The following GSPT1 variants were observed in gnomAD, a reference collection of about 807,000 sequenced individuals.
GSPT1 encodes eukaryotic peptide chain release factor GTP-binding subunit ERF3A.
A neutral mutation model predicts 72.5 loss-of-function variants in GSPT1; 20 were observed. The ratio of observed to expected loss-of-function variants is 0.28; its 90% CI spans 0.19 to 0.40. The LOEUF is 0.40. Among genes scored for constraint, GSPT1 ranks in the 10% least tolerant of loss-of-function variants. GSPT1 has a pLI of 1.00. For synonymous variants in GSPT1, 334 were observed against 293.5 expected (o/e 1.14, Z -1.41); for missense variants, 580 against 811.9 (o/e 0.71, Z 3.47).
intron 1 of GSPT1, among the ~76,000 whole-genome samples, chr16:11,906,910 G>A (rs1021584031): frequency 1.3e-5 from 2 of 151,902 alleles, no homozygotes; most frequent in African/African-American, 2.4e-5. Flanking sequence ...TGCAAGCTGA[G>A]GTTTTTCTTT....
chr16:11,869,002 C>T lies in GSPT1; in HGVS notation c.*4117G>A, dbSNP rs1363961850. On this transcript the variant is annotated 3_prime_UTR_variant, in exon 15 of 15. Coordinates refer to ENST00000434724, the MANE Select transcript of GSPT1 (RefSeq NM_002094.4). ...AGCTAGCATTATTGTTTCAAGGAAG[C>T]ATAGGATTAGAGGTATGTGAGAAGT... 1 of 152,084 alleles carries T rather than the reference C, an allele frequency of 6.6e-6. No individual in the cohort carries two copies. Among genetic ancestry groups the T allele is most frequent in the African/African-American group, 2.4e-5 (1 of 41,400 alleles). 9.4% of individuals were successfully genotyped at this position (152,084 alleles called of 1,614,324 possible).
Position 11,896,699 on chromosome 16 carries a change from A to G in GSPT1, c.523T>C (p.Leu175=). 2.5e-6 allele frequency: 4 copies of G among 1,608,022 alleles called. No individual in the cohort carries two copies. Among genetic ancestry groups the G allele is most frequent in the South Asian group, 1.1e-5 (1 of 89,672 alleles). The part of the protein sequence containing the change: ...ISEAEPGGGS[L]GDGRPPEESA... ...TCCTCTGGCGGCCTTCCATCTCCCA[A>G]GGAACCACCCCCTGGCTCTGCTTCA... Residue 175 remains leucine (L), a synonymous_variant, in exon 4 of 15, where the codon TTG becomes CTG. Coordinates refer to ENST00000434724, the MANE Select transcript of GSPT1 (RefSeq NM_002094.4).
At position 11,869,279 on chromosome 16, in the gene GSPT1, T is replaced by C. The variant is rs2053952213; in HGVS notation, c.*3840A>G. 1 of 152,286 alleles carries C rather than the reference T, an allele frequency of 6.6e-6. No homozygotes were observed. The highest frequency in any genetic ancestry group is 2.4e-5 in the African/African-American group (1 of 41,482). 9.4% of individuals were successfully genotyped at this position (152,286 alleles called of 1,614,324 possible). A position where few individuals can be genotyped will look rare whatever the true frequency, so the allele number is the denominator to read the frequency against. The stretch of plus-strand genomic sequence containing the variant: ...TAAAGCTAGTTAAGTCTTTTGTGCA[T>C]GTGCAATTACACTTACTTAACAAGA... On this transcript the variant is annotated 3_prime_UTR_variant, in exon 15 of 15. Transcript: ENST00000434724.
chr16:11,887,246 G>C (rs2054196443), intron 7 of GSPT1, among the ~76,000 whole-genome samples: 1 of 152,088 alleles, frequency 6.6e-6, no homozygotes, highest in Non-Finnish European at 1.5e-5. Context: ...AGCGCAAAAT[G>C]ACTGAAGACC....
rs1212772287 is a variant in GSPT1, at chr16:11,868,999, A to G, written c.*4120T>C. 1 of 152,202 alleles carries G rather than the reference A, an allele frequency of 6.6e-6. No individual in the cohort carries two copies. Among genetic ancestry groups the G allele is most frequent in the Non-Finnish European group, 1.5e-5 (1 of 68,040 alleles). 9.4% of individuals were successfully genotyped at this position (152,202 alleles called of 1,614,324 possible). On this transcript the variant is annotated 3_prime_UTR_variant, in exon 15 of 15. Transcript: ENST00000434724. ...CTCAGCTAGCATTATTGTTTCAAGG[A>G]AGCATAGGATTAGAGGTATGTGAGA...
intron 1 of GSPT1, 52 bp from the exon 2 acceptor site, chr16:11,898,087 C>T (rs33635): frequency 0.34 from 392,157 of 1,159,024 alleles, 69,914 homozygotes; most frequent in East Asian, 0.61. Context: ...CCATCCATTT[C>T]ACTTATCTTT....
At chr16:11,915,233 C>A in intron 1 of GSPT1, 136 bp downstream of exon 1, 1 of 1,157,952 alleles carries the variant, frequency 8.6e-7, no homozygotes, top group Non-Finnish European at 1.1e-6. Flanking sequence ...CGGGGCGCCC[C>A]ACCCAGGCAG....
chr16:11,896,877 G>T, intron 3 of GSPT1, 92 bp from the exon 4 acceptor site: 1 of 837,006 alleles, frequency 1.2e-6, no homozygotes, highest in Non-Finnish European at 1.9e-6. Context: ...ATGGAAGTTT[G>T]CATATGTAGT....
chr16:11,911,993 T>G (rs1321919009), intron 1 of GSPT1, among the ~76,000 whole-genome samples: 10 of 145,080 alleles, frequency 6.9e-5, no homozygotes, highest in Non-Finnish European at 1.3e-4. Flanking sequence ...GCGCCCAGCT[T>G]GTACAGTTGA....
At chr16:11,909,742 TG>T (rs2054533503) in intron 1 of GSPT1, among the ~76,000 whole-genome samples, 1 of 152,084 alleles carries the variant, frequency 6.6e-6, no homozygotes, top group African/African-American at 2.4e-5. Flanking sequence ...CTGGGCAACA[TG>T]GTGAAACCTC....
At position 11,894,991 on chromosome 16, in the gene GSPT1, A is replaced by G. The variant is rs2141299455; in HGVS notation, c.665-4T>C. 1.3e-6 allele frequency: 2 copies of G among 1,586,046 alleles called. No individual in the cohort carries two copies. The highest frequency in any genetic ancestry group is 2.2e-5 in the East Asian group (1 of 44,518). On this transcript the variant is annotated splice_polypyrimidine_tract_variant and splice_region_variant and intron_variant, in intron 4 of 14. Transcript: ENST00000434724. ...CCAATGGTTGACTTGCCAGCATCTA[A>G]AAGTAACATCAACATGCAAACCATA...
chr16:11,915,981 C>T, upstream of GSPT1: 1 of 706,352 alleles, frequency 1.4e-6, no homozygotes, highest in Non-Finnish European at 2.6e-6. Flanking sequence ...CCAACCACCT[C>T]CGACGGCCTC....
At chr16:11,885,784 T>C (rs2054180366) in intron 9 of GSPT1, among the ~76,000 whole-genome samples, 1 of 151,934 alleles carries the variant, frequency 6.6e-6, no homozygotes, top group African/African-American at 2.4e-5. Context: ...CCCTACGACT[T>C]GGGAGGCTGA....
intron 14 of GSPT1, 107 bp from the exon 15 acceptor site, chr16:11,873,278 T>C: frequency 1.7e-6 from 1 of 597,280 alleles, no homozygotes; most frequent in Middle Eastern, 4.6e-4. Flanking sequence ...CAATGTAAGT[T>C]ACTAATTAAC....
intron 1 of GSPT1, chr16:11,915,121 G>A (rs2054614693): frequency 8.9e-7 from 1 of 1,124,542 alleles, no homozygotes; most frequent in Non-Finnish European, 1.1e-6. Flanking sequence ...CAGGGGCGCG[G>A]AGGGGCGGCA....
At chr16:11,896,482 A>T in intron 4 of GSPT1, 76 bp downstream of exon 4, 1 of 815,290 alleles carries the variant, frequency 1.2e-6, no homozygotes, top group Non-Finnish European at 2.0e-6. Flanking sequence ...GTTTCACTAA[A>T]CATCTCCAGG....
Position 11,877,368 on chromosome 16 carries a change from C to A in GSPT1, c.1602+39G>T. On this transcript the variant is annotated intron_variant, in intron 12 of 14. Transcript: ENST00000434724. This position sits in a 1 kb window ranked among gnomAD's most constrained non-coding sequence, Gnocchi z 4.0. ...CACTGATATTCTAATTTCATTTAGA[C>A]ATTAAAACCCACTATGACAACAACA... 1 of 1,398,638 alleles carries A rather than the reference C, an allele frequency of 7.1e-7. No individual in the cohort carries two copies. Among genetic ancestry groups the A allele is most frequent in the South Asian group, 1.4e-5 (1 of 72,440 alleles). 86.6% of individuals were successfully genotyped at this position (1,398,638 alleles called of 1,614,324 possible). A position where few individuals can be genotyped will look rare whatever the true frequency, so the allele number is the denominator to read the frequency against.
chr16:11,870,553 T>A lies in GSPT1; in HGVS notation c.*2566A>T, dbSNP rs1007449541. 8 of 152,232 alleles carry A rather than the reference T, an allele frequency of 5.3e-5. No individual in the cohort carries two copies. The highest frequency in any genetic ancestry group is 8.8e-5 in the Non-Finnish European group (6 of 68,046). 9.4% of individuals were successfully genotyped at this position (152,232 alleles called of 1,614,324 possible). ...ACGTTTGCATTTGCAGAAAACAGAA[T>A]GACAGCATAGGAATTTGTATTGCTC... On this transcript the variant is annotated 3_prime_UTR_variant, in exon 15 of 15. Coordinates refer to ENST00000434724, the MANE Select transcript of GSPT1 (RefSeq NM_002094.4).
At chr16:11,914,954 G>A (rs1457655461) in intron 1 of GSPT1, 2 of 1,204,634 alleles carry the variant, frequency 1.7e-6, no homozygotes, top group South Asian at 1.3e-5. Flanking sequence ...TCGGCCATTC[G>A]TCCTCCCCAA....
Sources: allele counts gnomAD v4.1 joint callset (sites outside exome capture counted in the v4.1 genomes callset), GRCh38; gene constraint gnomAD v4.1.1; non-coding constraint Gnocchi (gnomAD v3.1); transcripts MANE v1.5; gene names NCBI Gene and HGNC (gene_info 2026-07-23, HGNC 2026-07-21).